The following AGBL1 variants were observed in gnomAD, a reference collection of about 807,000 sequenced individuals.
AGBL1 encodes the protein AGBL carboxypeptidase 1, also known as cytosolic carboxypeptidase 4.
A neutral mutation model predicts 118.9 loss-of-function variants in AGBL1; 130 were observed. The observed-to-expected ratio is 1.09, with a 90% CI of 0.95 to 1.26. The LOEUF is 1.26. Ranked by LOEUF, AGBL1 falls within the 50% of genes most tolerant of loss-of-function variation. The pLI is 0.00. For missense variants in AGBL1, 1,584 were observed against 1,298.1 expected (o/e 1.22, Z -3.38); for synonymous variants, 555 against 478.9 (o/e 1.16, Z -2.08).
chr15:86,663,493 C>A (rs1438819056), intron 21 of AGBL1, among the ~76,000 whole-genome samples: 1 of 152,022 alleles, frequency 6.6e-6, no homozygotes, highest in African/African-American at 2.4e-5. Flanking sequence ...GTTTCAGAAG[C>A]CAGGATGTGG....
chr15:86,553,844 G>C (rs1222774389), intron 20 of AGBL1, among the ~76,000 whole-genome samples: 1 of 150,092 alleles, frequency 6.7e-6, no homozygotes, highest in Non-Finnish European at 1.5e-5. Flanking sequence ...TGGTTTTCTG[G>C]ACTTCAGCTA....
chr15:86,141,439 C>G (rs1380115210), intron 1 of AGBL1, among the ~76,000 whole-genome samples: 10 of 152,136 alleles, frequency 6.6e-5, no homozygotes, highest in Admixed American at 6.5e-4. Context: ...ATAACGTGGT[C>G]AGGAGATTGA....
chr15:86,298,851 C>G (rs2079699510), intron 17 of AGBL1, among the ~76,000 whole-genome samples: 1 of 152,204 alleles, frequency 6.6e-6, no homozygotes, highest in African/African-American at 2.4e-5. Context: ...GGGAACTCCC[C>G]TCTCAAGGCT....
At chr15:86,265,209 C>A (rs1597649663) in intron 11 of AGBL1, among the ~76,000 whole-genome samples, 1 of 152,226 alleles carries the variant, frequency 6.6e-6, no homozygotes, top group East Asian at 1.9e-4. Context: ...TATTTGGGAT[C>A]TCTTTTCTTG....
At chr15:86,684,828 C>T (rs1258150864) in intron 22 of AGBL1, among the ~76,000 whole-genome samples, 2 of 152,168 alleles carry the variant, frequency 1.3e-5, no homozygotes, top group African/African-American at 4.8e-5. Flanking sequence ...CTGACACCCT[C>T]ACATTCTAAC....
chr15:86,123,793 C>T (rs1295873424), intron 1 of AGBL1, among the ~76,000 whole-genome samples: 1 of 152,168 alleles, frequency 6.6e-6, no homozygotes, highest in Non-Finnish European at 1.5e-5. Flanking sequence ...TTCTCAGGAT[C>T]TCCTGGGGCT....
intron 22 of AGBL1, among the ~76,000 whole-genome samples, chr15:86,784,156 G>C (rs2078373749): frequency 6.6e-6 from 1 of 152,110 alleles, no homozygotes; most frequent in Non-Finnish European, 1.5e-5. Context: ...TTTTAAATGA[G>C]ATAACTTATA....
intron 1 of AGBL1, among the ~76,000 whole-genome samples, chr15:86,124,341 A>C (rs183434763): frequency 5.4e-4 from 82 of 151,580 alleles, no homozygotes; most frequent in South Asian, 2.1e-3. Context: ...AAAAAAAAAA[A>C]AAAAAACAAA....
intron 17 of AGBL1, among the ~76,000 whole-genome samples, chr15:86,387,430 A>T (rs902077471): frequency 5.9e-4 from 90 of 152,210 alleles, no homozygotes; most frequent in African/African-American, 2.0e-3. Context: ...ATACCATCAG[A>T]CTTAGGTTTT....
chr15:86,335,161 G>T (rs1302539839), intron 17 of AGBL1, among the ~76,000 whole-genome samples: 1 of 150,916 alleles, frequency 6.6e-6, no homozygotes, highest in African/African-American at 2.4e-5. Context: ...TTTTTGAGAC[G>T]GAGTTTCGCT....
At chr15:86,413,747 G>A (rs995604821) in intron 18 of AGBL1, among the ~76,000 whole-genome samples, 1 of 151,970 alleles carries the variant, frequency 6.6e-6, no homozygotes, top group African/African-American at 2.4e-5. Flanking sequence ...TGAGTTGTTT[G>A]TGTTCCTTGT....
chr15:86,876,667 C>T (rs1452845956), intron 22 of AGBL1, among the ~76,000 whole-genome samples: 1 of 152,194 alleles, frequency 6.6e-6, no homozygotes, highest in Non-Finnish European at 1.5e-5. Context: ...GTCTTGCTAT[C>T]ATTCAACTCT....
chr15:86,223,763 G>A (rs1421766074), intron 5 of AGBL1, among the ~76,000 whole-genome samples: 4 of 152,146 alleles, frequency 2.6e-5, no homozygotes, highest in African/African-American at 7.2e-5. Context: ...TGTAGGTTAT[G>A]GGGAGCAATG....
At chr15:86,451,350 T>C (rs2082189978) in intron 18 of AGBL1, among the ~76,000 whole-genome samples, 1 of 152,232 alleles carries the variant, frequency 6.6e-6, no homozygotes. Flanking sequence ...AGTTTGAGGA[T>C]AGAGACCTTG....
intron 16 of AGBL1, among the ~76,000 whole-genome samples, chr15:86,281,039 T>C (rs1017084107): frequency 1.3e-5 from 2 of 152,216 alleles, no homozygotes; most frequent in Admixed American, 6.5e-5. Flanking sequence ...AACATTCATC[T>C]CCCTTCAACA....
intron 21 of AGBL1, among the ~76,000 whole-genome samples, chr15:86,634,780 A>C (rs368375889): frequency 2.6e-3 from 392 of 152,332 alleles, no homozygotes; most frequent in African/African-American, 8.8e-3. Context: ...AAATTCACAC[A>C]AACTTGATGA....
At chr15:86,569,788 A>G (rs527531441) in intron 21 of AGBL1, among the ~76,000 whole-genome samples, 1 of 152,224 alleles carries the variant, frequency 6.6e-6, no homozygotes, top group Non-Finnish European at 1.5e-5. Flanking sequence ...CCTGGGAACC[A>G]TGAAATTTAA....
At chr15:86,230,798 G>A (rs998306904) in intron 6 of AGBL1, among the ~76,000 whole-genome samples, 2 of 152,186 alleles carry the variant, frequency 1.3e-5, no homozygotes, top group Admixed American at 1.3e-4. Flanking sequence ...TAGACATTGT[G>A]ATGGTTGAAT....
intron 22 of AGBL1, among the ~76,000 whole-genome samples, chr15:86,757,563 A>G (rs889634313): frequency 2.0e-5 from 3 of 152,120 alleles, no homozygotes; most frequent in African/African-American, 7.2e-5. Flanking sequence ...AGTGGGGTTA[A>G]GTGACTTGTC....
Sources: gnomAD v4.1 joint callset for allele counts (sites outside exome capture counted in the v4.1 genomes callset) on GRCh38, gnomAD v4.1.1 for gene constraint, MANE v1.5 for transcripts, NCBI Gene and HGNC (gene_info 2026-07-23, HGNC 2026-07-21) for gene names.